The following MLLT3 variants were observed in gnomAD, a reference collection of about 807,000 sequenced individuals.
MLLT3 encodes MLLT3 super elongation complex subunit.
MLLT3 carries 4 observed loss-of-function variants against 53.2 expected under a neutral mutation model. The observed-to-expected ratio is 0.08, with a 90% confidence interval of 0.04 to 0.17. The LOEUF (loss-of-function observed/expected upper bound fraction) is 0.17. Among genes scored for constraint, MLLT3 ranks in the 10% least tolerant of loss-of-function variants. The probability of loss-of-function intolerance (pLI) is 1.00; values close to 1 mark genes in which losing one functional copy is unlikely to be tolerated. For synonymous variants in MLLT3, 283 were observed against 230.6 expected (o/e 1.23, Z -2.06); for missense variants, 569 against 684.0 (o/e 0.83, Z 1.87).
chr9:20,453,304 T>C (rs999123833), intron 3 of MLLT3, among the ~76,000 whole-genome samples: 1 of 152,304 alleles, frequency 6.6e-6, no homozygotes, highest in Middle Eastern at 3.4e-3. Context: ...CTCACACCTG[T>C]AATCCTAGCA....
At chr9:20,390,458 A>T (rs529475711) in intron 5 of MLLT3, among the ~76,000 whole-genome samples, 4 of 152,366 alleles carry the variant, frequency 2.6e-5, no homozygotes, top group African/African-American at 9.6e-5. Context: ...GTAAAACATC[A>T]GCAAATTTTG....
At chr9:20,469,505 G>A (rs1586973114) in intron 2 of MLLT3, among the ~76,000 whole-genome samples, 1 of 151,958 alleles carries the variant, frequency 6.6e-6, no homozygotes, top group East Asian at 1.9e-4. Context: ...CCAGAACAGC[G>A]TGCCCATATG....
At chr9:20,531,972 A>G (rs1481822797) in intron 2 of MLLT3, among the ~76,000 whole-genome samples, 6 of 152,178 alleles carry the variant, frequency 3.9e-5, no homozygotes, top group Admixed American at 1.3e-4. Context: ...ACAAATATTT[A>G]CAAAACATTC....
intron 5 of MLLT3, among the ~76,000 whole-genome samples, chr9:20,405,512 C>T (rs924843921): frequency 6.6e-6 from 1 of 152,198 alleles, no homozygotes; most frequent in African/African-American, 2.4e-5. Flanking sequence ...TGAATTTTGG[C>T]ATTATTCAGA....
At chr9:20,601,000 T>TA (rs752355434) in intron 2 of MLLT3, among the ~76,000 whole-genome samples, 17 of 150,758 alleles carry the variant, frequency 1.1e-4, no homozygotes, top group South Asian at 6.3e-4. Context: ...TTTCTTTAAA[T>TA]AAAAAAAAAG....
At chr9:20,440,358 A>C (rs1823515301) in intron 4 of MLLT3, among the ~76,000 whole-genome samples, 1 of 152,168 alleles carries the variant, frequency 6.6e-6, no homozygotes, top group Non-Finnish European at 1.5e-5. Context: ...ACATATGCCT[A>C]CTTCGAGTCT....
intron 5 of MLLT3, among the ~76,000 whole-genome samples, chr9:20,399,869 C>A (rs1243699176): frequency 6.6e-6 from 1 of 152,028 alleles, no homozygotes; most frequent in Non-Finnish European, 1.5e-5. Context: ...TTTTACTTTT[C>A]TATACAAACT....
chr9:20,587,957 G>C (rs886300686), intron 2 of MLLT3, among the ~76,000 whole-genome samples: 10 of 150,930 alleles, frequency 6.6e-5, no homozygotes, highest in African/African-American at 1.7e-4. Flanking sequence ...TTTTCTTCTA[G>C]GGTTTTTATG....
intron 2 of MLLT3, among the ~76,000 whole-genome samples, chr9:20,550,924 A>T (rs1345259085): frequency 6.6e-6 from 1 of 151,936 alleles, no homozygotes; most frequent in Non-Finnish European, 1.5e-5. Context: ...TGCCCAGCTA[A>T]ATTTTTTTCA....
intron 5 of MLLT3, among the ~76,000 whole-genome samples, chr9:20,387,225 C>T (rs1262804572): frequency 6.6e-6 from 1 of 152,176 alleles, no homozygotes; most frequent in Non-Finnish European, 1.5e-5. Flanking sequence ...CAGTCGCAGA[C>T]AGTATGTAAA....
chr9:20,476,011 T>G (rs1270867814), intron 2 of MLLT3, among the ~76,000 whole-genome samples: 1 of 152,122 alleles, frequency 6.6e-6, no homozygotes, highest in Non-Finnish European at 1.5e-5. Flanking sequence ...AACTTATTTA[T>G]TTGATTCAAA....
intron 5 of MLLT3, among the ~76,000 whole-genome samples, chr9:20,404,402 C>A (rs1315991075): frequency 6.6e-6 from 1 of 152,158 alleles, no homozygotes; most frequent in Admixed American, 6.5e-5. Flanking sequence ...TAATATTTTG[C>A]TTGAACTAAT....
chr9:20,588,323 G>A (rs970036998), intron 2 of MLLT3, among the ~76,000 whole-genome samples: 4 of 149,958 alleles, frequency 2.7e-5, no homozygotes, highest in Non-Finnish European at 6.0e-5. Context: ...TTGGCGATGC[G>A]GGCTCTTTTT....
At chr9:20,495,399 C>G (rs1489372811) in intron 2 of MLLT3, among the ~76,000 whole-genome samples, 1 of 152,130 alleles carries the variant, frequency 6.6e-6, no homozygotes, top group African/African-American at 2.4e-5. Flanking sequence ...AAGCACTAGT[C>G]TAGAGGTTAA....
At chr9:20,381,127 C>T (rs1350243342) in intron 5 of MLLT3, among the ~76,000 whole-genome samples, 1 of 151,886 alleles carries the variant, frequency 6.6e-6, no homozygotes, top group Non-Finnish European at 1.5e-5. Flanking sequence ...GAAATGAAAT[C>T]TCAAAAGAAA....
chr9:20,498,511 A>G (rs1332125327), intron 2 of MLLT3, among the ~76,000 whole-genome samples: 1 of 152,160 alleles, frequency 6.6e-6, no homozygotes, highest in Non-Finnish European at 1.5e-5. Flanking sequence ...TAGGTTATTC[A>G]TATAATCTAG....
intron 2 of MLLT3, among the ~76,000 whole-genome samples, chr9:20,611,349 C>A (rs1008861906): frequency 6.6e-6 from 1 of 152,044 alleles, no homozygotes; most frequent in Non-Finnish European, 1.5e-5. Context: ...CCCTACTCTC[C>A]AAGCCACTGC....
chr9:20,368,332 T>C (rs1262060267), intron 5 of MLLT3, among the ~76,000 whole-genome samples: 1 of 152,188 alleles, frequency 6.6e-6, no homozygotes, highest in Non-Finnish European at 1.5e-5. Flanking sequence ...AAGTTGCTCT[T>C]TTCAGCCATG....
chr9:20,618,843 T>G (rs1820907598), intron 2 of MLLT3, among the ~76,000 whole-genome samples: 1 of 152,240 alleles, frequency 6.6e-6, no homozygotes, highest in Admixed American at 6.5e-5. Flanking sequence ...GTTGATCATC[T>G]TTAATTTCAT....
Sources: allele counts gnomAD v4.1 joint callset (sites outside exome capture counted in the v4.1 genomes callset), GRCh38; gene constraint gnomAD v4.1.1; transcripts MANE v1.5; gene names NCBI Gene and HGNC (gene_info 2026-07-23, HGNC 2026-07-21).